LRBA: variants seen among roughly 807,000 people sequenced by gnomAD.
LRBA encodes the protein LPS responsive beige-like anchor protein.
LRBA carries 176 observed loss-of-function variants against 330.0 expected under a neutral mutation model. That is an observed-to-expected ratio of 0.53 (90% CI 0.47 to 0.60). The LOEUF is 0.60. LRBA is among the 20% of genes least tolerant of loss of function. The probability of loss-of-function intolerance (pLI) is 0.00; values close to 1 mark genes in which losing one functional copy is unlikely to be tolerated. For synonymous variants in LRBA, 1,230 were observed against 1,193.0 expected (o/e 1.03, Z -0.64); for missense variants, 3,259 against 3,444.8 (o/e 0.95, Z 1.35).
rs764551121 is a variant in LRBA, at chr4:150,851,933, C to G, written c.3777G>C (p.Lys1259Asn). The G allele has an allele frequency of 6.2e-7, 1 of 1,614,028 alleles. No individual in the cohort carries two copies. Among genetic ancestry groups the G allele is most frequent in the South Asian group, 1.1e-5 (1 of 91,038 alleles). ...VATDTERLEL[K>N]ASPNVEAPQP... is the part of the protein sequence containing the mutation. ...GAGGTGCTTCCACGTTGGGACTGGCCTTCAACTCCAGCCTCTCAGTATCTG... is the reference window on the plus strand; with the variant it reads ...GAGGTGCTTCCACGTTGGGACTGGCGTTCAACTCCAGCCTCTCAGTATCTG... Residue 1259 changes from lysine to asparagine, a missense_variant, in exon 23 of 57, where the codon AAG (lysine) becomes AAC (asparagine). By Grantham distance (94) the Lys-to-Asn change is moderately conservative. Transcript: ENST00000651943.
intron 47 of LRBA, among the ~76,000 whole-genome samples, chr4:150,401,617 C>T (rs573039339): frequency 2.0e-5 from 3 of 151,676 alleles, no homozygotes; most frequent in African/African-American, 7.3e-5. Context: ...CATATTGCAG[C>T]GTAAAAATTA....
At chr4:150,360,651 AATAAAG>A (rs1371103040) in intron 47 of LRBA, among the ~76,000 whole-genome samples, 2 of 152,220 alleles carry the variant, frequency 1.3e-5, no homozygotes, top group Non-Finnish European at 2.9e-5. Context: ...TCTTACTGAA[AATAAAG>A]ATAAACCTTA....
chr4:150,513,917 G>A (rs528612120), intron 40 of LRBA, among the ~76,000 whole-genome samples: 3 of 152,248 alleles, frequency 2.0e-5, no homozygotes, highest in East Asian at 1.9e-4. Flanking sequence ...TTGGGGATGC[G>A]AGGGAAATAG....
chr4:150,635,716 A>G (rs931289308), intron 37 of LRBA, among the ~76,000 whole-genome samples: 6 of 152,218 alleles, frequency 3.9e-5, no homozygotes, highest in African/African-American at 1.2e-4. Flanking sequence ...TAATAATAAT[A>G]TAACTGAAAG....
chr4:150,525,719 T>C lies in LRBA; in HGVS notation c.6331-34684A>G, dbSNP rs77483867. Among the ~76,000 whole-genome samples, 88 of 152,328 alleles carry C rather than the reference T, an allele frequency of 5.8e-4. 4 individuals are homozygous for C. In the East Asian group the frequency reaches 0.016, roughly 27 times the overall value. On this transcript the variant is annotated intron_variant, in intron 40 of 56. Transcript: ENST00000651943. ...ACACCAATTATGCAACACATACTTA[T>C]ATCTGATTTCTCTTTTACACTAGGG...
chr4:150,492,484 T>G (rs1759084812), intron 40 of LRBA, among the ~76,000 whole-genome samples: 1 of 152,052 alleles, frequency 6.6e-6, no homozygotes, highest in Admixed American at 6.6e-5. Flanking sequence ...AGAGATTGCA[T>G]GTATCCCTTT....
intron 32 of LRBA, among the ~76,000 whole-genome samples, chr4:150,808,033 A>G (rs940359244): frequency 6.6e-6 from 1 of 152,176 alleles, no homozygotes; most frequent in South Asian, 2.1e-4. Context: ...AAGCTTATGT[A>G]AATATTTGTT....
chr4:150,452,519 G>A (rs779515075), intron 44 of LRBA, among the ~76,000 whole-genome samples: 18 of 151,958 alleles, frequency 1.2e-4, no homozygotes, highest in Admixed American at 1.1e-3. Context: ...CTACTCGGGA[G>A]GCTGAGGCAG....
At chr4:150,691,670 C>A (rs915719301) in intron 36 of LRBA, among the ~76,000 whole-genome samples, 1 of 152,160 alleles carries the variant, frequency 6.6e-6, no homozygotes, top group Non-Finnish European at 1.5e-5. Context: ...CATATACTTA[C>A]AGTAGCATGT....
intron 43 of LRBA, among the ~76,000 whole-genome samples, chr4:150,469,271 T>C (rs1273487688): frequency 1.3e-5 from 2 of 152,170 alleles, no homozygotes; most frequent in African/African-American, 4.8e-5. Context: ...TTTATCTATA[T>C]GTGGCACAAA....
chr4:150,484,958 C>A (rs1365515939), intron 42 of LRBA, among the ~76,000 whole-genome samples: 2 of 151,904 alleles, frequency 1.3e-5, no homozygotes, highest in South Asian at 4.2e-4. Flanking sequence ...TTCCAAAAAC[C>A]TTTCTGTAAC....
intron 2 of LRBA, among the ~76,000 whole-genome samples, chr4:150,930,638 T>C (rs1188550059): frequency 6.6e-6 from 1 of 152,140 alleles, no homozygotes; most frequent in East Asian, 1.9e-4. Flanking sequence ...ACAACATGTA[T>C]CCCAGGTTCT....
chr4:150,803,109 C>CATAT (rs1331936239), intron 33 of LRBA, among the ~76,000 whole-genome samples: 5 of 143,966 alleles, frequency 3.5e-5, no homozygotes, highest in Non-Finnish European at 4.5e-5. Context: ...CACACACACA[C>CATAT]ATATATACAC....
intron 40 of LRBA, among the ~76,000 whole-genome samples, chr4:150,539,637 C>G (rs1191889137): frequency 4.6e-5 from 7 of 152,150 alleles, no homozygotes; most frequent in Non-Finnish European, 1.0e-4. Context: ...GAATAGTTAC[C>G]TGGAAGTGGC....
At chr4:150,622,647 G>A (rs1456465225) in intron 37 of LRBA, among the ~76,000 whole-genome samples, 1 of 150,338 alleles carries the variant, frequency 6.7e-6, no homozygotes, top group Non-Finnish European at 1.5e-5. Context: ...AAAGGCAACA[G>A]ATGGAAACGG....
At chr4:150,616,603 A>G (rs1427563243) in intron 37 of LRBA, among the ~76,000 whole-genome samples, 2 of 152,192 alleles carry the variant, frequency 1.3e-5, no homozygotes, top group African/African-American at 2.4e-5. Flanking sequence ...ATTGGATTTA[A>G]CAATATTGAT....
chr4:150,472,496 AT>A (rs1313470814), intron 42 of LRBA, among the ~76,000 whole-genome samples: 1 of 152,142 alleles, frequency 6.6e-6, no homozygotes, highest in Non-Finnish European at 1.5e-5. Context: ...CAATTCAGTA[AT>A]TTTTAAAAAA....
intron 52 of LRBA, among the ~76,000 whole-genome samples, chr4:150,306,370 T>C (rs1253150196): frequency 1.3e-5 from 2 of 152,194 alleles, no homozygotes; most frequent in African/African-American, 4.8e-5. Flanking sequence ...TGATTTTCCC[T>C]TGATTCTGTG....
At chr4:150,408,579 A>T (rs1746520785) in intron 47 of LRBA, among the ~76,000 whole-genome samples, 1 of 152,158 alleles carries the variant, frequency 6.6e-6, no homozygotes, top group Non-Finnish European at 1.5e-5. Context: ...TCAGATGAGG[A>T]TATCACAAAA....
Sources: gnomAD v4.1 joint callset for allele counts (sites outside exome capture counted in the v4.1 genomes callset) on GRCh38, gnomAD v4.1.1 for gene constraint, MANE v1.5 for transcripts, NCBI Gene and HGNC (gene_info 2026-07-23, HGNC 2026-07-21) for gene names.